Variants in SUSD1 observed in about 807,000 individuals in gnomAD.
SUSD1 encodes sushi domain-containing protein 1.
A neutral mutation model predicts 86.9 loss-of-function variants in SUSD1; 65 were observed. The observed-to-expected ratio is 0.75, with a 90% CI of 0.61 to 0.92. The LOEUF (loss-of-function observed/expected upper bound fraction) is 0.92. SUSD1 is among the 40% of genes least tolerant of loss of function. The pLI, the probability that SUSD1 is intolerant of heterozygous loss-of-function variation, is 0.00. For missense variants in SUSD1, 850 were observed against 929.7 expected (o/e 0.91, Z 1.11); for synonymous variants, 346 against 350.0 (o/e 0.99, Z 0.13).
rs1359658405 is a variant in SUSD1, at chr9:112,094,982, G to A, written c.1474+3488C>T. Among the ~76,000 whole-genome samples the A allele has an allele frequency of 3.9e-5, 6 of 152,294 alleles. No individual in the cohort carries two copies. In the East Asian group the frequency reaches 1.2e-3, roughly 29 times the overall value. On this transcript the variant is annotated intron_variant, in intron 10 of 16. Coordinates refer to ENST00000374270, the MANE Select transcript of SUSD1 (RefSeq NM_022486.5). ...CACCGGCTATAAGGACATCTGCCTGGGAAATAGAGCTGTATTAAACAAGGT... is the reference window on the plus strand; with the variant it reads ...CACCGGCTATAAGGACATCTGCCTGAGAAATAGAGCTGTATTAAACAAGGT...
At chr9:112,162,176 T>C (rs1229274915) in intron 1 of SUSD1, among the ~76,000 whole-genome samples, 1 of 152,224 alleles carries the variant, frequency 6.6e-6, no homozygotes, top group Non-Finnish European at 1.5e-5. Flanking sequence ...AGATGCAGAA[T>C]ATATGATGCA....
chr9:112,112,644 TAAAAG>T (rs1305522677), intron 7 of SUSD1, 122 bp downstream of exon 7: 3 of 632,530 alleles, frequency 4.7e-6, no homozygotes, highest in Non-Finnish European at 8.2e-6. Flanking sequence ...ACAAAAAAAA[TAAAAG>T]AAAAAAAGAA....
chr9:112,074,771 C>A (rs1244540778), intron 12 of SUSD1, among the ~76,000 whole-genome samples: 1 of 151,436 alleles, frequency 6.6e-6, no homozygotes, highest in Non-Finnish European at 1.5e-5. Flanking sequence ...CTTTTTTCCT[C>A]CTTTTATAAA....
chr9:112,148,484 G>A (rs909804622), intron 3 of SUSD1, among the ~76,000 whole-genome samples: 8 of 152,012 alleles, frequency 5.3e-5, no homozygotes, highest in Admixed American at 1.3e-4. Context: ...GCCAACAGCC[G>A]GGTGCCAGCC....
In SUSD1 at chr9:112,111,762, T is replaced by A. The variant is rs765145075; in HGVS notation, c.1063A>T (p.Thr355Ser). 4 of 1,613,894 alleles carry A rather than the reference T, an allele frequency of 2.5e-6. No homozygotes were observed. The South Asian group carries it at 4.4e-5, about 18-fold the overall frequency. The change falls in exon 8 of 17, where the codon ACC (threonine) becomes TCC (serine). Residue 355 changes from threonine (T) to serine (S), a missense_variant. Coordinates refer to ENST00000374270, the MANE Select transcript of SUSD1 (RefSeq NM_022486.5). ...TACAGGGCTAGGCACACTTCTGGGG[T>A]CCTGCTGTCTGTGGTCAAGTTGACT... ...ETVNLTTDSR[T>S]PEVCLALYPG...
chr9:112,061,961 A>G (rs897146095), intron 13 of SUSD1, among the ~76,000 whole-genome samples: 4 of 152,176 alleles, frequency 2.6e-5, no homozygotes, highest in African/African-American at 7.2e-5. Flanking sequence ...TCTCTAAAAA[A>G]GGGACTGATG....
In SUSD1 at chr9:112,173,665, G is replaced by A. The variant is rs367563811; in HGVS notation, c.103+1468C>T. 6.4e-5 allele frequency: 29 copies of A among 454,038 alleles called. No individual in the cohort carries two copies. In the East Asian group the frequency reaches 9.9e-4, roughly 15 times the overall value. 28.1% of individuals were successfully genotyped at this position (454,038 alleles called of 1,614,324 possible). ...CTGAGCCCCTTGGCAATGCGGGCACGAGCACGTTTCCCAAGCTTGAGGTGG... is the reference window on the plus strand; with the variant it reads ...CTGAGCCCCTTGGCAATGCGGGCACAAGCACGTTTCCCAAGCTTGAGGTGG... On this transcript the variant is annotated intron_variant, in intron 1 of 16. Coordinates refer to ENST00000374270, the MANE Select transcript of SUSD1 (RefSeq NM_022486.5).
intron 1 of SUSD1, among the ~76,000 whole-genome samples, chr9:112,168,759 A>G (rs1462194208): frequency 6.6e-6 from 1 of 152,196 alleles, no homozygotes; most frequent in Non-Finnish European, 1.5e-5. Context: ...GTTCATGACT[A>G]GCCTGGCCAA....
intron 5 of SUSD1, among the ~76,000 whole-genome samples, 192 bp downstream of exon 5, chr9:112,142,128 A>T (rs79765597): frequency 0.033 from 4,947 of 152,128 alleles, 280 homozygotes; most frequent in African/African-American, 0.11. Flanking sequence ...TTATGAATGG[A>T]ATTATGATTT....
chr9:112,156,990 G>A (rs1184843836), intron 2 of SUSD1, among the ~76,000 whole-genome samples: 3 of 152,084 alleles, frequency 2.0e-5, no homozygotes, highest in Non-Finnish European at 4.4e-5. Flanking sequence ...CTAACCTAAA[G>A]GGCTTTGAGT....
At chr9:112,108,633 C>A (rs1334765228) in intron 8 of SUSD1, among the ~76,000 whole-genome samples, 1 of 151,552 alleles carries the variant, frequency 6.6e-6, no homozygotes, top group African/African-American at 2.4e-5. Context: ...CAAAAATTTG[C>A]CAGGCATAGT....
chr9:112,137,903 T>A (rs1476669861), intron 5 of SUSD1: 1 of 151,906 alleles, frequency 6.6e-6, no homozygotes, highest in African/African-American at 2.4e-5. Flanking sequence ...ATTAAAAAAA[T>A]TTCTTTCAAT....
chr9:112,133,649 C>T (rs1459854369), intron 5 of SUSD1, among the ~76,000 whole-genome samples: 1 of 152,162 alleles, frequency 6.6e-6, no homozygotes, highest in Admixed American at 6.5e-5. Context: ...TTCTGGACAT[C>T]AGCCTTGGGA....
chr9:112,091,178 A>G (rs1360631298), intron 10 of SUSD1, among the ~76,000 whole-genome samples: 1 of 152,226 alleles, frequency 6.6e-6, no homozygotes, highest in Non-Finnish European at 1.5e-5. Context: ...TCTCAGGCTA[A>G]TGGTTTGTAA....
Position 112,062,945 on chromosome 9 carries a change from T to C in SUSD1, c.1842A>G (p.Gly614=), listed in dbSNP as rs1212266116. Residue 614 remains glycine, a synonymous_variant, in exon 13 of 17, where the codon GGA becomes GGG. Transcript: ENST00000374270. Reference sequence around the variant, plus strand: ...AAAGGACAGCTACTGACCTGATTGGTCCATTTTTCTCCTTGGCTTTCCTCA... The same window carrying C: ...AAAGGACAGCTACTGACCTGATTGGCCCATTTTTCTCCTTGGCTTTCCTCA... The part of the protein sequence containing the change: ...LRLRKAKEKN[G]PISSYQVLVL... 1.2e-6 allele frequency: 2 copies of C among 1,607,940 alleles called. No individual in the cohort carries two copies. The highest frequency in any genetic ancestry group is 3.3e-5 in the Admixed American group (2 of 59,994).
chr9:112,077,719 G>C (rs1239233039), intron 12 of SUSD1, among the ~76,000 whole-genome samples: 1 of 151,632 alleles, frequency 6.6e-6, no homozygotes, highest in East Asian at 1.9e-4. Context: ...CAGCCAGGCT[G>C]ATCTCGAAAT....
chr9:112,148,871 ACT>A (rs1411020790), intron 3 of SUSD1, among the ~76,000 whole-genome samples: 1 of 151,376 alleles, frequency 6.6e-6, no homozygotes, highest in Non-Finnish European at 1.5e-5. Flanking sequence ...GTGCCACTGC[ACT>A]CCAGCCTGGG....
intron 10 of SUSD1, among the ~76,000 whole-genome samples, chr9:112,087,170 A>T (rs1830019873): frequency 6.6e-6 from 1 of 152,020 alleles, no homozygotes; most frequent in South Asian, 2.1e-4. Flanking sequence ...GAAATTTTAA[A>T]ACTTCTTTTT....
chr9:112,125,082 A>G (rs1442451662), intron 5 of SUSD1, among the ~76,000 whole-genome samples: 3 of 152,200 alleles, frequency 2.0e-5, no homozygotes, highest in African/African-American at 7.2e-5. Context: ...GAGCCCAAGA[A>G]AGTCATTTTT....
Sources: allele counts gnomAD v4.1 joint callset (sites outside exome capture counted in the v4.1 genomes callset), GRCh38; gene constraint gnomAD v4.1.1; transcripts MANE v1.5; gene names NCBI Gene and HGNC (gene_info 2026-07-23, HGNC 2026-07-21).